FBXL17: variants seen among roughly 807,000 people sequenced by gnomAD.
The protein encoded by FBXL17 is F-box and leucine rich repeat protein 17, also known as F-box/LRR-repeat protein 17.
In FBXL17, 22 loss-of-function variants were observed where a neutral mutation model predicts 66.2. The ratio of observed to expected loss-of-function variants is 0.33; its 90% CI spans 0.24 to 0.47. The LOEUF (loss-of-function observed/expected upper bound fraction) is 0.47. FBXL17 is among the 20% of genes least tolerant of loss of function. FBXL17 has a pLI of 1.00. For missense variants in FBXL17, 878 were observed against 948.2 expected (o/e 0.93, Z 0.97); for synonymous variants, 474 against 400.5 (o/e 1.18, Z -2.19).
chr5:108,158,546 C>T (rs1376460545), intron 6 of FBXL17, among the ~76,000 whole-genome samples: 2 of 150,558 alleles, frequency 1.3e-5, no homozygotes, highest in Non-Finnish European at 3.0e-5. Flanking sequence ...TCCACATTTG[C>T]ACATGTGCAT....
In FBXL17 at chr5:108,317,405, C is replaced by T. The variant is rs1229672533; in HGVS notation, c.1506+30994G>A. On this transcript the variant is annotated intron_variant, in intron 4 of 8. Coordinates refer to ENST00000542267, the MANE Select transcript of FBXL17 (RefSeq NM_001163315.3). The stretch of plus-strand genomic sequence containing the variant: ...GAAAAGACAAAAGTTTGAGGGGATG[C>T]ATATCCCAACTACCCTGATTTGATC... Among the ~76,000 whole-genome samples, 5 of 150,428 alleles carry T rather than the reference C, an allele frequency of 3.3e-5. No homozygotes were observed. The South Asian group carries it at 1.0e-3, about 31-fold the overall frequency.
chr5:108,333,499 T>G (rs1016077336), intron 4 of FBXL17, among the ~76,000 whole-genome samples: 1 of 152,164 alleles, frequency 6.6e-6, no homozygotes, highest in Non-Finnish European at 1.5e-5. Flanking sequence ...ACAAAATGAC[T>G]GTTAACTATT....
chr5:107,901,827 G>A (rs781283675), intron 7 of FBXL17, among the ~76,000 whole-genome samples: 3 of 152,174 alleles, frequency 2.0e-5, no homozygotes, highest in Admixed American at 2.0e-4. Flanking sequence ...AATGGGGAAA[G>A]GTAGGCACTG....
At chr5:108,264,214 C>CAAAA (rs35346820) in intron 4 of FBXL17, among the ~76,000 whole-genome samples, 1,304 of 55,484 alleles carry the variant, frequency 0.024, 102 homozygotes, top group African/African-American at 0.042. Flanking sequence ...GACTCTTTCT[C>CAAAA]AAAAAAAAAA....
At position 108,115,302 on chromosome 5, in the gene FBXL17, G is replaced by A. The variant is rs114392813; in HGVS notation, c.1745+70815C>T. ...TCACTGTTTTTTTAAGCCTAAGTCA[G>A]TTTTTAAAATATGAGAATTGAGTAT... On this transcript the variant is annotated intron_variant, in intron 6 of 8. Coordinates refer to ENST00000542267, the MANE Select transcript of FBXL17 (RefSeq NM_001163315.3). Among the ~76,000 whole-genome samples, 1,463 of 152,120 alleles carry A rather than the reference G, an allele frequency of 9.6e-3. 11 individuals are homozygous for A. Among genetic ancestry groups the A allele is most frequent in the Non-Finnish European group, 0.015 (1,030 of 67,984 alleles).
chr5:107,942,693 C>G (rs1363387202), intron 7 of FBXL17, among the ~76,000 whole-genome samples: 1 of 151,686 alleles, frequency 6.6e-6, no homozygotes, highest in Non-Finnish European at 1.5e-5. Context: ...GTCCCATTGA[C>G]AATGCCTCTC....
intron 2 of FBXL17, among the ~76,000 whole-genome samples, chr5:108,367,303 G>A (rs1748728871): frequency 6.6e-6 from 1 of 151,508 alleles, no homozygotes; most frequent in Admixed American, 6.6e-5. Context: ...TAAGCAACAG[G>A]AAGAGTAGAA....
intron 7 of FBXL17, among the ~76,000 whole-genome samples, chr5:107,940,443 A>C (rs958321812): frequency 6.6e-6 from 1 of 152,110 alleles, no homozygotes. Context: ...TACAGAGAGG[A>C]GTGAATGTTG....
intron 7 of FBXL17, among the ~76,000 whole-genome samples, chr5:107,910,853 C>T (rs759908199): frequency 9.9e-5 from 15 of 151,836 alleles, no homozygotes; most frequent in Non-Finnish European, 1.6e-4. Flanking sequence ...TATGAAATAG[C>T]TTTGTTGAAA....
chr5:108,284,966 C>T (rs986449167), intron 4 of FBXL17, among the ~76,000 whole-genome samples: 8 of 151,818 alleles, frequency 5.3e-5, no homozygotes, highest in East Asian at 1.9e-4. Context: ...CTTTCTACTA[C>T]AGAGTAAAAA....
rs139777152 is a variant in FBXL17, at chr5:108,092,127, T to C, written c.1746-71126A>G. Among the ~76,000 whole-genome samples the C allele has an allele frequency of 3.8e-3, 573 of 152,256 alleles. 2 individuals carry two copies. Among genetic ancestry groups the C allele is most frequent in the African/African-American group, 0.013 (557 of 41,556 alleles). On this transcript the variant is annotated intron_variant, in intron 6 of 8. Coordinates refer to ENST00000542267, the MANE Select transcript of FBXL17 (RefSeq NM_001163315.3). Reference sequence around the variant, plus strand: ...GACTGCACCACCAAAAATTAACTAGTGTCATTGTTGTAATTAAAGATCAGA... The same window carrying C: ...GACTGCACCACCAAAAATTAACTAGCGTCATTGTTGTAATTAAAGATCAGA...
chr5:107,961,106 G>A (rs979831960), intron 7 of FBXL17, among the ~76,000 whole-genome samples: 6 of 152,172 alleles, frequency 3.9e-5, no homozygotes, highest in Non-Finnish European at 5.9e-5. Flanking sequence ...TGAGAGACAC[G>A]TCAGGTAGAA....
At chr5:108,277,790 T>C (rs1471233063) in intron 4 of FBXL17, among the ~76,000 whole-genome samples, 2 of 152,236 alleles carry the variant, frequency 1.3e-5, no homozygotes, top group Non-Finnish European at 2.9e-5. Flanking sequence ...GTCACATGAA[T>C]TTTTGGTTTC....
chr5:107,945,291 G>GA (rs1178586559), intron 7 of FBXL17, among the ~76,000 whole-genome samples: 1 of 152,118 alleles, frequency 6.6e-6, no homozygotes, highest in East Asian at 1.9e-4. Flanking sequence ...TGAGCAATGA[G>GA]AAATGTTATA....
At chr5:107,882,729 T>C (rs189462115) in intron 7 of FBXL17, among the ~76,000 whole-genome samples, 1 of 152,356 alleles carries the variant, frequency 6.6e-6, no homozygotes, top group East Asian at 1.9e-4. Flanking sequence ...TTGGTTATGA[T>C]ATCCTGAAGA....
At chr5:108,207,167 G>A (rs572158025) in intron 5 of FBXL17, among the ~76,000 whole-genome samples, 7 of 152,182 alleles carry the variant, frequency 4.6e-5, no homozygotes, top group African/African-American at 1.7e-4. Flanking sequence ...ATATCTTCTT[G>A]TTTTGTACTT....
chr5:108,128,115 G>A (rs569402391), intron 6 of FBXL17, among the ~76,000 whole-genome samples: 132 of 152,106 alleles, frequency 8.7e-4, no homozygotes, highest in African/African-American at 3.0e-3. Flanking sequence ...GCGTGGTGGT[G>A]CATGCCTATA....
At chr5:108,208,649 T>C (rs551541498) in intron 5 of FBXL17, among the ~76,000 whole-genome samples, 1 of 152,324 alleles carries the variant, frequency 6.6e-6, no homozygotes, top group Admixed American at 6.5e-5. Flanking sequence ...CTTAGGTCTC[T>C]GTTCTGTTCC....
chr5:108,297,981 C>G, intron 4 of FBXL17: 1 of 981,530 alleles, frequency 1.0e-6, no homozygotes, highest in Non-Finnish European at 1.2e-6. Flanking sequence ...TATGACCCAA[C>G]TGACTGAATT....
Sources: gnomAD v4.1 joint callset for allele counts (sites outside exome capture counted in the v4.1 genomes callset) on GRCh38, gnomAD v4.1.1 for gene constraint, MANE v1.5 for transcripts, NCBI Gene and HGNC (gene_info 2026-07-23, HGNC 2026-07-21) for gene names.